The following MAP3K14 variants were observed in gnomAD, a reference collection of about 807,000 sequenced individuals.
MAP3K14 encodes mitogen-activated protein kinase kinase kinase 14, also known as NF-kappa-beta-inducing kinase.
MAP3K14 carries 16 observed loss-of-function variants against 99.2 expected under a neutral mutation model. The ratio of observed to expected loss-of-function variants is 0.16; its 90% CI spans 0.11 to 0.24. The LOEUF (loss-of-function observed/expected upper bound fraction) is 0.24. MAP3K14 is among the 10% of genes least tolerant of loss of function. The pLI, the probability that MAP3K14 is intolerant of heterozygous loss-of-function variation, is 1.00. For synonymous variants in MAP3K14, 462 were observed against 492.4 expected, an observed-to-expected ratio of 0.94 and a Z score of 0.82; for missense variants, 784 against 1,208.7, an observed-to-expected ratio of 0.65 and a Z score of 5.21.
At chr17:45,305,998 C>A in intron 1 of MAP3K14, among the ~76,000 whole-genome samples, 1 of 152,212 alleles carries the variant, frequency 6.6e-6, no homozygotes, top group East Asian at 1.9e-4. Context: ...GTCCTGTGGT[C>A]ATCTTTGAGT....
intron 6 of MAP3K14, among the ~76,000 whole-genome samples, chr17:45,275,760 CTTTTTTTT>C (rs369154222): frequency 1.6e-5 from 2 of 123,550 alleles, no homozygotes; most frequent in East Asian, 2.3e-4. Flanking sequence ...CTTTTCTTTT[CTTTTTTTT>C]TTTTTTTTTT....
At position 45,267,686 on chromosome 17, in the gene MAP3K14, G is replaced by A. The variant is rs747366448; in HGVS notation, c.2046C>T (p.Tyr682=). 1.2e-6 allele frequency: 2 copies of A among 1,613,978 alleles called. No individual in the cohort carries two copies. Reference sequence around the variant, plus strand: ...TCGGCTGGGCATGGAGGGTCTGGTGGTAATTGGCTTGATTTGGCGGTGGAT... The same window carrying A: ...TCGGCTGGGCATGGAGGGTCTGGTGATAATTGGCTTGATTTGGCGGTGGAT... ...PRHPPPNQAN[Y]HQTLHAQPRE... Residue 682 remains tyrosine, a synonymous_variant, in exon 12 of 16, where the codon TAC becomes TAT. Coordinates refer to ENST00000344686, the MANE Select transcript of MAP3K14 (RefSeq NM_003954.5). The surrounding 1 kb of genome is among the most constrained non-coding windows in gnomAD (Gnocchi z 5.1).
chr17:45,267,353 G>A lies in MAP3K14; in HGVS notation c.2326+53C>T, dbSNP rs1244024670. 9 of 1,510,788 alleles carry A rather than the reference G, an allele frequency of 6.0e-6. No homozygotes were observed. In the Admixed American group the frequency reaches 1.2e-4, roughly 21 times the overall value. The allele number at this position is 1,510,788 out of a possible 1,614,324, so 93.6% of individuals were successfully genotyped here. A position where few individuals can be genotyped will look rare whatever the true frequency, so the allele number is the denominator to read the frequency against. On this transcript the variant is annotated intron_variant, in intron 12 of 15. Transcript: ENST00000344686. The surrounding 1 kb of genome is among the most constrained non-coding windows in gnomAD (Gnocchi z 5.1). ...GGTAAAGAGAAACACCGGCCTCCGC[G>A]GGTGGCCCAGGGCCAGTGCTCAGGG... is the stretch of plus-strand genomic sequence containing the variant.
chr17:45,282,506 G>A, intron 6 of MAP3K14, among the ~76,000 whole-genome samples: 1 of 142,484 alleles, frequency 7.0e-6, no homozygotes, highest in South Asian at 2.2e-4. Flanking sequence ...AGTGAGCTGT[G>A]ATCATGCCAC....
At chr17:45,293,592 G>T (rs745452284) in intron 1 of MAP3K14, among the ~76,000 whole-genome samples, 1 of 152,242 alleles carries the variant, frequency 6.6e-6, no homozygotes, top group Non-Finnish European at 1.5e-5. Context: ...TGACCCAGCA[G>T]ATGGCAGCTG....
At chr17:45,269,129 A>G (rs2044122764) in intron 11 of MAP3K14, among the ~76,000 whole-genome samples, 1 of 151,344 alleles carries the variant, frequency 6.6e-6, no homozygotes. Context: ...CAATCCTCTC[A>G]CCTCCTGAGT....
At chr17:45,291,318 GTGTCC>G (rs1183652213) in intron 1 of MAP3K14, among the ~76,000 whole-genome samples, 2 of 152,032 alleles carry the variant, frequency 1.3e-5, no homozygotes, top group African/African-American at 4.8e-5. Flanking sequence ...GTGTGTGTGT[GTGTCC>G]TACAAAGTCT....
intron 10 of MAP3K14, 107 bp from the exon 11 acceptor site, chr17:45,270,670 G>T: frequency 2.9e-6 from 4 of 1,391,720 alleles, no homozygotes; most frequent in Non-Finnish European, 3.8e-6. Flanking sequence ...CCGCTGTGCT[G>T]GGGTCTACCA....
intron 9 of MAP3K14, among the ~76,000 whole-genome samples, chr17:45,271,789 T>G (rs770647071): frequency 1.1e-4 from 16 of 152,182 alleles, no homozygotes; most frequent in Non-Finnish European, 2.4e-4. Context: ...ACCCTTAAAG[T>G]GTTTTTTAAA....
chr17:45,293,212 A>G (rs552391775), intron 1 of MAP3K14, among the ~76,000 whole-genome samples: 1 of 152,330 alleles, frequency 6.6e-6, no homozygotes, highest in East Asian at 1.9e-4. Context: ...CTGATGAATG[A>G]GAAAAATGAG....
intron 1 of MAP3K14, among the ~76,000 whole-genome samples, chr17:45,298,903 G>A (rs541139406): frequency 5.9e-5 from 9 of 152,326 alleles, no homozygotes; most frequent in Middle Eastern, 3.4e-3. Flanking sequence ...AACACAGAGC[G>A]ACACCTAGTC....
chr17:45,265,290 G>T, intron 14 of MAP3K14, 27 bp from the exon 15 acceptor site: 1 of 1,504,640 alleles, frequency 6.6e-7, no homozygotes, highest in Non-Finnish European at 9.3e-7. Context: ...GTGATAGTCA[G>T]GAGAGCGGCT....
intron 15 of MAP3K14, 81 bp downstream of exon 15, chr17:45,265,082 G>T: frequency 8.4e-7 from 1 of 1,188,778 alleles, no homozygotes; most frequent in Non-Finnish European, 1.3e-6. Flanking sequence ...CTACTTCTTT[G>T]AAAGCTTTCC....
intron 6 of MAP3K14, 121 bp from the exon 7 acceptor site, chr17:45,274,714 C>T (rs578261227): frequency 4.6e-6 from 6 of 1,291,576 alleles, no homozygotes; most frequent in African/African-American, 3.0e-5. Context: ...AGTGGTGATG[C>T]AGGGGCCTGG....
chr17:45,315,441 A>C (rs1319206824), intron 1 of MAP3K14, among the ~76,000 whole-genome samples: 2 of 152,192 alleles, frequency 1.3e-5, no homozygotes, highest in Non-Finnish European at 2.9e-5. Context: ...TTTTATTTTG[A>C]GATCTTCTGA....
intron 1 of MAP3K14, among the ~76,000 whole-genome samples, chr17:45,296,222 C>T (rs562136501): frequency 5.9e-5 from 9 of 152,278 alleles, no homozygotes; most frequent in Non-Finnish European, 1.2e-4. Flanking sequence ...CAAACCTCTG[C>T]CTACTCAAAG....
At chr17:45,290,974 G>A (rs2044305743) in intron 1 of MAP3K14, 10 of 539,886 alleles carry the variant, frequency 1.9e-5, no homozygotes, top group South Asian at 6.4e-5. Flanking sequence ...ACAGTCCCCC[G>A]GTCCTCCCAG....
Position 45,267,346 on chromosome 17 carries a change from C to T in MAP3K14, c.2326+60G>A, listed in dbSNP as rs1228886387. On this transcript the variant is annotated intron_variant, in intron 12 of 15. Coordinates refer to ENST00000344686, the MANE Select transcript of MAP3K14 (RefSeq NM_003954.5). This position sits in a 1 kb window ranked among gnomAD's most constrained non-coding sequence, Gnocchi z 5.1. The stretch of plus-strand genomic sequence containing the variant: ...CACCGCAGGTAAAGAGAAACACCGG[C>T]CTCCGCGGGTGGCCCAGGGCCAGTG... 1 of 1,507,958 alleles carries T rather than the reference C, an allele frequency of 6.6e-7. No individual in the cohort carries two copies. The highest frequency in any genetic ancestry group is 9.0e-7 in the Non-Finnish European group (1 of 1,112,942). The allele number at this position is 1,507,958 out of a possible 1,614,324, so 93.4% of individuals were successfully genotyped here.
chr17:45,281,259 G>A (rs1025196109), intron 6 of MAP3K14, among the ~76,000 whole-genome samples: 3 of 151,800 alleles, frequency 2.0e-5, no homozygotes, highest in Admixed American at 2.0e-4. Context: ...ACCATGCCTG[G>A]CTAATTTTTT....
Sources: gnomAD v4.1 joint callset for allele counts (sites outside exome capture counted in the v4.1 genomes callset) on GRCh38, gnomAD v4.1.1 for gene constraint, Gnocchi (gnomAD v3.1) non-coding constraint, MANE v1.5 for transcripts, NCBI Gene and HGNC (gene_info 2026-07-23, HGNC 2026-07-21) for gene names.